SFMBT1: variants seen among roughly 807,000 people sequenced by gnomAD.
SFMBT1 encodes the protein scm-like with four MBT domains protein 1.
In SFMBT1, 32 loss-of-function variants were observed where a neutral mutation model predicts 108.7. The observed-to-expected ratio is 0.29, with a 90% CI of 0.22 to 0.40. The LOEUF (loss-of-function observed/expected upper bound fraction) is 0.40, where lower values mean the gene tolerates loss of function less well. Ranked by LOEUF, SFMBT1 falls within the 10% of genes least tolerant of loss-of-function variation. The pLI is 1.00. For missense variants in SFMBT1, 816 were observed against 1,059.6 expected (o/e 0.77, Z 3.19); for synonymous variants, 348 against 369.5 (o/e 0.94, Z 0.67).
At chr3:52,951,450 C>G (rs1703589950) in intron 3 of SFMBT1, among the ~76,000 whole-genome samples, 1 of 146,574 alleles carries the variant, frequency 6.8e-6, no homozygotes, top group Non-Finnish European at 1.5e-5. Context: ...GCATTTTGCT[C>G]TTGTTGCCCA....
At chr3:52,928,882 T>C (rs1702772011) in intron 8 of SFMBT1, among the ~76,000 whole-genome samples, 1 of 151,284 alleles carries the variant, frequency 6.6e-6, no homozygotes, top group South Asian at 2.1e-4. Context: ...TTTTTTTAAT[T>C]TTTGTAGAGA....
At chr3:53,045,339 G>A (rs1468495631) in intron 1 of SFMBT1, 1 of 144,496 alleles carries the variant, frequency 6.9e-6, no homozygotes, top group Admixed American at 6.8e-5. Flanking sequence ...AGCCCGGGGG[G>A]CGGGTCCGCG....
intron 9 of SFMBT1, among the ~76,000 whole-genome samples, chr3:52,926,724 G>C: frequency 6.6e-6 from 1 of 152,178 alleles, no homozygotes; most frequent in Admixed American, 6.5e-5. Context: ...TGAGGTTCTT[G>C]ATGGAAGCAT....
intron 1 of SFMBT1, among the ~76,000 whole-genome samples, chr3:53,042,104 C>T (rs753568869): frequency 2.6e-5 from 4 of 152,066 alleles, no homozygotes; most frequent in Non-Finnish European, 5.9e-5. Context: ...AAAATGTCTG[C>T]CTAAATAATG....
chr3:52,959,047 G>A (rs1703874677), intron 2 of SFMBT1, among the ~76,000 whole-genome samples: 2 of 151,324 alleles, frequency 1.3e-5, no homozygotes, highest in South Asian at 4.2e-4. Flanking sequence ...AACCCTACAT[G>A]TTCTCACTTA....
chr3:53,014,632 C>CTAGTCTACCTTA (rs1446290926), intron 1 of SFMBT1, among the ~76,000 whole-genome samples: 1 of 152,186 alleles, frequency 6.6e-6, no homozygotes, highest in Non-Finnish European at 1.5e-5. Context: ...AGTAGTACAT[C>CTAGTCTACCTTA]TAGTCTACCT....
intron 1 of SFMBT1, among the ~76,000 whole-genome samples, chr3:52,994,523 G>A (rs1019871263): frequency 6.0e-5 from 9 of 150,314 alleles, no homozygotes; most frequent in Middle Eastern, 6.9e-3. Flanking sequence ...TTTTTGAGAC[G>A]GAGTCTCGCT....
intron 1 of SFMBT1, among the ~76,000 whole-genome samples, chr3:52,998,472 A>T (rs56026870): frequency 2.7e-5 from 4 of 150,034 alleles, no homozygotes; most frequent in African/African-American, 9.7e-5. Flanking sequence ...GGCTGGGTGC[A>T]GCTTCAAGCT....
chr3:52,914,120 C>A (rs553114521), intron 14 of SFMBT1, among the ~76,000 whole-genome samples: 1 of 152,104 alleles, frequency 6.6e-6, no homozygotes, highest in Non-Finnish European at 1.5e-5. Context: ...TCTCAGAGGG[C>A]TAAAAGTATG....
chr3:52,966,904 G>A (rs1227993549), intron 2 of SFMBT1, among the ~76,000 whole-genome samples: 2 of 121,590 alleles, frequency 1.6e-5, no homozygotes, highest in Non-Finnish European at 3.5e-5. Context: ...GTAAAAGTAG[G>A]TAAGATTTCT....
intron 1 of SFMBT1, among the ~76,000 whole-genome samples, chr3:52,991,466 T>A (rs960632307): frequency 6.6e-6 from 1 of 150,806 alleles, no homozygotes; most frequent in Non-Finnish European, 1.5e-5. Context: ...TGCCTCAGCC[T>A]CCCGAGTAGC....
intron 1 of SFMBT1, among the ~76,000 whole-genome samples, chr3:52,996,882 A>C (rs1183533564): frequency 3.3e-5 from 5 of 149,816 alleles, no homozygotes; most frequent in African/African-American, 1.2e-4. Context: ...ATCCTGGCTA[A>C]AACGGTGAAA....
chr3:53,034,838 C>T (rs1699814286), intron 1 of SFMBT1, among the ~76,000 whole-genome samples: 1 of 152,036 alleles, frequency 6.6e-6, no homozygotes, highest in Admixed American at 6.6e-5. Flanking sequence ...ACTTGGGAGG[C>T]TGAGGCAGGA....
At chr3:52,923,595 CTATTCAG>C (rs1286200561) in intron 10 of SFMBT1, among the ~76,000 whole-genome samples, 2 of 150,998 alleles carry the variant, frequency 1.3e-5, no homozygotes, top group Non-Finnish European at 3.0e-5. Flanking sequence ...AACGAACGAA[CTATTCAG>C]AGTTCCAGAA....
At chr3:52,979,959 C>A (rs1478457237) in intron 1 of SFMBT1, among the ~76,000 whole-genome samples, 2 of 152,056 alleles carry the variant, frequency 1.3e-5, no homozygotes, top group Non-Finnish European at 2.9e-5. Flanking sequence ...AAATAACTAT[C>A]TTGGAAAAAT....
intron 2 of SFMBT1, among the ~76,000 whole-genome samples, chr3:52,966,950 TTA>T (rs374164813): frequency 5.9e-4 from 87 of 146,344 alleles, no homozygotes; most frequent in Admixed American, 1.2e-3. Flanking sequence ...TTGTGATAAG[TTA>T]TATATATATA....
chr3:52,986,370 C>T (rs1704915178), intron 1 of SFMBT1, among the ~76,000 whole-genome samples: 1 of 152,030 alleles, frequency 6.6e-6, no homozygotes, highest in Non-Finnish European at 1.5e-5. Flanking sequence ...AATAAATTAA[C>T]CTTAGCTTAC....
chr3:53,026,391 A>G (rs115114860), intron 1 of SFMBT1, among the ~76,000 whole-genome samples: 3,481 of 152,324 alleles, frequency 0.023, 56 homozygotes, highest in Non-Finnish European at 0.038. Flanking sequence ...AAAGATTCTA[A>G]AAACACACAA....
chr3:53,040,442 C>A (rs1381504439), intron 1 of SFMBT1, among the ~76,000 whole-genome samples: 1 of 152,104 alleles, frequency 6.6e-6, no homozygotes, highest in Non-Finnish European at 1.5e-5. Flanking sequence ...GCCAACAAAC[C>A]ACCTTCCAAC....
Sources: gnomAD v4.1 joint callset for allele counts (sites outside exome capture counted in the v4.1 genomes callset) on GRCh38, gnomAD v4.1.1 for gene constraint, MANE v1.5 for transcripts, NCBI Gene and HGNC (gene_info 2026-07-23, HGNC 2026-07-21) for gene names.